EML6: variants seen among roughly 807,000 people sequenced by gnomAD.
EML6 encodes echinoderm microtubule-associated protein-like 6.
EML6 carries 154 observed loss-of-function variants against 240.1 expected under a neutral mutation model. The ratio of observed to expected loss-of-function variants is 0.64; its 90% CI spans 0.56 to 0.73. The LOEUF is 0.73. EML6 is among the 30% of genes least tolerant of loss of function. EML6 has a pLI of 0.00. For missense variants in EML6, 2,964 were observed against 2,474.6 expected, an observed-to-expected ratio of 1.20 and a Z score of -4.20; for synonymous variants, 1,148 against 899.0, an observed-to-expected ratio of 1.28 and a Z score of -4.95.
chr2:54,832,806 T>G (rs1479695334), intron 7 of EML6, among the ~76,000 whole-genome samples: 4 of 152,102 alleles, frequency 2.6e-5, no homozygotes, highest in African/African-American at 9.7e-5. Flanking sequence ...CACCTCTCTT[T>G]GCCTCAAACA....
At chr2:54,750,170 A>C (rs951733033) in intron 2 of EML6, among the ~76,000 whole-genome samples, 3 of 152,190 alleles carry the variant, frequency 2.0e-5, no homozygotes, top group African/African-American at 7.2e-5. Flanking sequence ...GCCCAGCCTG[A>C]GGGCCCGATA....
intron 25 of EML6, among the ~76,000 whole-genome samples, chr2:54,912,247 C>T (rs533479603): frequency 5.7e-4 from 87 of 152,284 alleles, no homozygotes; most frequent in African/African-American, 2.1e-3. Context: ...TTTGATCTCA[C>T]TCCCCTCCCC....
intron 37 of EML6, 115 bp from the exon 38 acceptor site, chr2:54,964,456 C>A: frequency 1.1e-6 from 1 of 951,596 alleles, no homozygotes. Context: ...ATGTGAGTCA[C>A]AAGGTGGCTC....
intron 24 of EML6, among the ~76,000 whole-genome samples, chr2:54,908,273 A>T (rs1292272152): frequency 6.7e-6 from 1 of 149,816 alleles, no homozygotes; most frequent in East Asian, 2.0e-4. Context: ...GCTGTGGTGC[A>T]ATCTCAGATC....
chr2:54,729,361 C>T (rs1683055066), intron 2 of EML6, among the ~76,000 whole-genome samples: 4 of 152,194 alleles, frequency 2.6e-5, no homozygotes. Flanking sequence ...TCATTTAGGG[C>T]TATCGTTTCA....
At chr2:54,968,004 TG>T in intron 39 of EML6, 123 bp from the exon 40 acceptor site, 1 of 897,556 alleles carries the variant, frequency 1.1e-6, no homozygotes, top group Non-Finnish European at 1.7e-6. Context: ...TTCCGTGGCC[TG>T]GCTGTTGGGG....
intron 26 of EML6, among the ~76,000 whole-genome samples, chr2:54,924,962 C>G (rs1674466247): frequency 6.6e-6 from 1 of 152,182 alleles, no homozygotes; most frequent in African/African-American, 2.4e-5. Context: ...TCACACTTGT[C>G]TAACTGCTAT....
At chr2:54,819,744 C>G (rs940626943) in intron 4 of EML6, among the ~76,000 whole-genome samples, 25 of 141,520 alleles carry the variant, frequency 1.8e-4, no homozygotes, top group African/African-American at 6.1e-4. Context: ...CACTGCACTC[C>G]AGCCTGGTGA....
intron 2 of EML6, among the ~76,000 whole-genome samples, chr2:54,785,150 T>C (rs1334911145): frequency 1.3e-5 from 2 of 149,956 alleles, no homozygotes; most frequent in Non-Finnish European, 3.0e-5. Context: ...TCAAGAGATT[T>C]CCACCCCCCC....
intron 28 of EML6, among the ~76,000 whole-genome samples, chr2:54,931,349 T>C (rs11695757): frequency 0.034 from 5,220 of 152,120 alleles, 101 homozygotes; most frequent in African/African-American, 0.056. Flanking sequence ...AGTGATGGAA[T>C]TGGGAGGGTG....
intron 32 of EML6, among the ~76,000 whole-genome samples, chr2:54,955,178 G>C (rs1558723249): frequency 2.0e-5 from 3 of 152,200 alleles, no homozygotes; most frequent in Admixed American, 6.5e-5. Context: ...ATCTCACCCA[G>C]ATGGCTGCAC....
At chr2:54,905,989 G>A (rs1673311854) in intron 24 of EML6, among the ~76,000 whole-genome samples, 1 of 152,200 alleles carries the variant, frequency 6.6e-6, no homozygotes, top group East Asian at 1.9e-4. Context: ...TATGAACATG[G>A]ATGTACAAAT....
chr2:54,866,255 G>A (rs987563656), intron 13 of EML6, among the ~76,000 whole-genome samples: 11 of 152,132 alleles, frequency 7.2e-5, no homozygotes, highest in South Asian at 2.1e-4. Flanking sequence ...TTTTATATGC[G>A]TTTAAATGGT....
chr2:54,844,956 C>CT (rs1669668986), intron 8 of EML6, among the ~76,000 whole-genome samples: 1 of 152,162 alleles, frequency 6.6e-6, no homozygotes, highest in Non-Finnish European at 1.5e-5. Context: ...TAGTGCTGAG[C>CT]TTTAGATATG....
intron 26 of EML6, among the ~76,000 whole-genome samples, chr2:54,926,729 A>G (rs1444175028): frequency 1.3e-5 from 2 of 152,220 alleles, no homozygotes; most frequent in Non-Finnish European, 1.5e-5. Context: ...CCACTGCTGC[A>G]GGAATCTCTG....
chr2:54,960,332 A>G lies in EML6; in HGVS notation c.4966A>G (p.Lys1656Glu). 1 of 1,549,068 alleles carries G rather than the reference A, an allele frequency of 6.5e-7. No homozygotes were observed. Among genetic ancestry groups the G allele is most frequent in the Non-Finnish European group, 8.7e-7 (1 of 1,146,218 alleles). ...VECVRSVCRG[K>E]GKILVGTKDG... ...GTGTGTGCGCTCCGTGTGCCGTGGAAAAGTGAGCACAGCCAGCTCCCCTGG... is the reference window on the plus strand; with the variant it reads ...GTGTGTGCGCTCCGTGTGCCGTGGAGAAGTGAGCACAGCCAGCTCCCCTGG... Residue 1656 changes from lysine to glutamate, a missense_variant and splice_region_variant, in exon 35 of 42, where the codon AAA becomes GAA. Coordinates refer to ENST00000356458, the MANE Select transcript of EML6 (RefSeq NM_001039753.4).
chr2:54,794,885 C>G (rs1669671159), intron 2 of EML6, among the ~76,000 whole-genome samples: 1 of 152,164 alleles, frequency 6.6e-6, no homozygotes, highest in Admixed American at 6.5e-5. Context: ...AAGACCAGCC[C>G]TCATCTGTAT....
At chr2:54,958,962 T>G in intron 33 of EML6, 142 bp from the exon 34 acceptor site, 1 of 734,772 alleles carries the variant, frequency 1.4e-6, no homozygotes, top group Non-Finnish European at 2.1e-6. Flanking sequence ...TTGCAAATTC[T>G]GCTGCTTTCC....
At chr2:54,914,746 T>G (rs1165802062) in intron 25 of EML6, among the ~76,000 whole-genome samples, 3 of 152,144 alleles carry the variant, frequency 2.0e-5, no homozygotes, top group Admixed American at 6.6e-5. Flanking sequence ...GCCCTTTGAC[T>G]GAGCATGAGG....
Sources: gnomAD v4.1 joint callset for allele counts (sites outside exome capture counted in the v4.1 genomes callset) on GRCh38, gnomAD v4.1.1 for gene constraint, MANE v1.5 for transcripts, NCBI Gene and HGNC (gene_info 2026-07-23, HGNC 2026-07-21) for gene names.